Variants in DNAAF4 observed in about 807,000 individuals in gnomAD.
The protein encoded by DNAAF4 is dynein axonemal assembly factor 4.
Under a neutral mutation model 51.8 loss-of-function variants are expected in DNAAF4, and 43 were observed. The observed-to-expected ratio is 0.83, with a 90% CI of 0.65 to 1.07. The LOEUF (loss-of-function observed/expected upper bound fraction) is 1.07. Among genes scored for constraint, DNAAF4 ranks in the 50% least tolerant of loss-of-function variants. The pLI is 0.00. For synonymous variants in DNAAF4, 194 were observed against 165.6 expected, an observed-to-expected ratio of 1.17 and a Z score of -1.32; for missense variants, 581 against 493.0, an observed-to-expected ratio of 1.18 and a Z score of -1.69.
intron 3 of DNAAF4, 149 bp from the exon 4 acceptor site, chr15:55,491,405 C>A: frequency 2.6e-6 from 2 of 763,200 alleles, no homozygotes; most frequent in Non-Finnish European, 4.0e-6. Context: ...ATTAAACTGG[C>A]CAAGAAGCTA....
rs528166136 is a variant in DNAAF4, at chr15:55,474,933, C to T, written c.406-7772G>A. On this transcript the variant is annotated intron_variant, in intron 4 of 9. Transcript: ENST00000321149. ...AGTGGAGGTTGCAGTGAGCCAAGAT[C>T]GCGCCACTGCACGCCAGCCTGGGAT... Among the ~76,000 whole-genome samples, 10 of 151,524 alleles carry T rather than the reference C, an allele frequency of 6.6e-5. No individual in the cohort carries two copies. In the East Asian group the frequency reaches 1.6e-3, roughly 24 times the overall value.
chr15:55,473,376 T>C (rs2058294772), intron 4 of DNAAF4, among the ~76,000 whole-genome samples: 1 of 147,686 alleles, frequency 6.8e-6, no homozygotes, highest in Admixed American at 6.8e-5. Flanking sequence ...TGTGTATATA[T>C]ATATATATGC....
At chr15:55,483,005 G>T (rs2058433250) in intron 4 of DNAAF4, among the ~76,000 whole-genome samples, 1 of 152,162 alleles carries the variant, frequency 6.6e-6, no homozygotes, top group African/African-American at 2.4e-5. Context: ...CAAATCTATA[G>T]AAACAGACAG....
chr15:55,434,558 C>A (rs1447633229), intron 8 of DNAAF4, among the ~76,000 whole-genome samples: 1 of 151,994 alleles, frequency 6.6e-6, no homozygotes, highest in Admixed American at 6.6e-5. Flanking sequence ...GGGTGCCGGG[C>A]GCGGTGGCTC....
chr15:55,442,785 A>C (rs2057734664), intron 6 of DNAAF4: 1 of 1,607,714 alleles, frequency 6.2e-7, no homozygotes, highest in Non-Finnish European at 8.5e-7. Context: ...CAACAGAACA[A>C]AGAGGGATAG....
intron 6 of DNAAF4, among the ~76,000 whole-genome samples, chr15:55,440,719 C>G (rs2057697240): frequency 6.7e-6 from 1 of 150,032 alleles, no homozygotes; most frequent in African/African-American, 2.5e-5. Flanking sequence ...TCTCACTCAG[C>G]TGCCCAGGCT....
chr15:55,472,924 GGGAA>G (rs1301555038), intron 4 of DNAAF4, among the ~76,000 whole-genome samples: 1 of 151,914 alleles, frequency 6.6e-6, no homozygotes, highest in African/African-American at 2.4e-5. Context: ...CCAACACTTT[GGGAA>G]GCCGAGTCAG....
At chr15:55,478,760 C>T (rs942713790) in intron 4 of DNAAF4, among the ~76,000 whole-genome samples, 3 of 152,154 alleles carry the variant, frequency 2.0e-5, no homozygotes, top group Non-Finnish European at 4.4e-5. Context: ...AAACCTTCTC[C>T]AGTCCTATCA....
intron 4 of DNAAF4, among the ~76,000 whole-genome samples, chr15:55,473,196 A>T (rs866879105): frequency 1.8e-5 from 1 of 56,938 alleles, no homozygotes; most frequent in African/African-American, 6.1e-5. Context: ...CTAAAAAAAA[A>T]AAATATATAT....
At position 55,439,541 on chromosome 15, in the gene DNAAF4, G is replaced by C. The variant is rs753437570; in HGVS notation, c.824C>G (p.Thr275Ser). Reference sequence around the variant, plus strand: ...TAAATCGCAAAGTTCAGCTATGTCAGTATTCATTGCTCTTCGTGCCTCAGC... The same window carrying C: ...TAAATCGCAAAGTTCAGCTATGTCACTATTCATTGCTCTTCGTGCCTCAGC... The part of the protein sequence containing the change: ...KQAEARRAMN[T>S]DIAELCDLKE... Residue 275 changes from threonine (T) to serine (S), a missense_variant, in exon 7 of 10, where the codon ACT becomes AGT. Transcript: ENST00000321149. 2 of 1,614,010 alleles carry C rather than the reference G, an allele frequency of 1.2e-6. No individual in the cohort carries two copies. Among genetic ancestry groups the C allele is most frequent in the African/African-American group, 1.3e-5 (1 of 75,044 alleles).
rs370007387 is a variant in DNAAF4 at position 55,486,105 on chromosome 15, C to A, written c.405+5018G>T. Among the ~76,000 whole-genome samples, 7 of 151,812 alleles carry A rather than the reference C, an allele frequency of 4.6e-5. No individual in the cohort carries two copies. In the East Asian group the frequency reaches 1.4e-3, roughly 29 times the overall value. On this transcript the variant is annotated intron_variant, in intron 4 of 9. Coordinates refer to ENST00000321149, the MANE Select transcript of DNAAF4 (RefSeq NM_130810.4). ...AGTATTCCAAGCTTCCACTAATCAC[C>A]TCATATCCCTATACCTCCACCTCAA...
intron 3 of DNAAF4, among the ~76,000 whole-genome samples, chr15:55,494,237 T>G (rs941136471): frequency 4.0e-5 from 6 of 151,818 alleles, no homozygotes; most frequent in Non-Finnish European, 7.4e-5. Context: ...CCATGTTGGT[T>G]AGGCTGGTCT....
At chr15:55,444,084 T>C (rs1391444430) in intron 6 of DNAAF4, among the ~76,000 whole-genome samples, 1 of 152,228 alleles carries the variant, frequency 6.6e-6, no homozygotes, top group Admixed American at 6.5e-5. Flanking sequence ...TTTGTTGCCA[T>C]TGCTTTTGGT....
intron 5 of DNAAF4, among the ~76,000 whole-genome samples, chr15:55,460,381 T>G (rs752274176): frequency 6.6e-6 from 1 of 151,958 alleles, no homozygotes; most frequent in African/African-American, 2.4e-5. Context: ...GGTTTCACCA[T>G]GTTGGTCAGG....
chr15:55,464,354 GAAGAT>G (rs2058138267), intron 5 of DNAAF4, among the ~76,000 whole-genome samples: 1 of 152,136 alleles, frequency 6.6e-6, no homozygotes. Context: ...AAAAATTCTA[GAAGAT>G]AACACTGGAA....
intron 4 of DNAAF4, among the ~76,000 whole-genome samples, chr15:55,490,584 T>C (rs1481792767): frequency 6.6e-6 from 1 of 152,220 alleles, no homozygotes; most frequent in Non-Finnish European, 1.5e-5. Context: ...ACTTTATTTT[T>C]ACTCCCCTAG....
intron 7 of DNAAF4, among the ~76,000 whole-genome samples, chr15:55,436,657 T>A (rs1232978362): frequency 2.0e-5 from 3 of 152,154 alleles, no homozygotes; most frequent in Non-Finnish European, 2.9e-5. Context: ...AGTGCTGGGA[T>A]TATAGGAGTG....
intron 8 of DNAAF4, among the ~76,000 whole-genome samples, chr15:55,433,992 T>TA (rs1270682389): frequency 0.019 from 310 of 16,238 alleles, 4 homozygotes; most frequent in East Asian, 0.044. Flanking sequence ...ATATAATATA[T>TA]ATAATATTAT....
chr15:55,418,922 C>CCT (rs34102066), intron 7 of DNAAF4, among the ~76,000 whole-genome samples: 9 of 11,582 alleles, frequency 7.8e-4, no homozygotes, highest in Non-Finnish European at 1.9e-3. Flanking sequence ...CAATTTCACA[C>CCT]TTTTTTTTTT....
Sources: gnomAD v4.1 joint callset for allele counts (sites outside exome capture counted in the v4.1 genomes callset) on GRCh38, gnomAD v4.1.1 for gene constraint, MANE v1.5 for transcripts, NCBI Gene and HGNC (gene_info 2026-07-23, HGNC 2026-07-21) for gene names.